The following SORCS2 variants were observed in gnomAD, a reference collection of about 807,000 sequenced individuals.
The protein encoded by SORCS2 is VPS10 domain-containing receptor SorCS2.
SORCS2 carries 100 observed loss-of-function variants against 141.6 expected under a neutral mutation model. That is an observed-to-expected ratio of 0.71 (90% CI 0.60 to 0.83). The LOEUF (loss-of-function observed/expected upper bound fraction) is 0.83, where lower values mean the gene tolerates loss of function less well. Ranked by LOEUF, SORCS2 falls within the 40% of genes least tolerant of loss-of-function variation. The pLI is 0.00. For synonymous variants in SORCS2, 789 were observed against 676.9 expected, an observed-to-expected ratio of 1.17 and a Z score of -2.57; for missense variants, 1,646 against 1,560.2, an observed-to-expected ratio of 1.05 and a Z score of -0.93.
At chr4:7,334,265 C>A (rs990749372) in intron 1 of SORCS2, among the ~76,000 whole-genome samples, 2 of 152,168 alleles carry the variant, frequency 1.3e-5, no homozygotes, top group Non-Finnish European at 1.5e-5. Context: ...CTCTCAGCCC[C>A]TTCCCGCAGC....
intron 2 of SORCS2, chr4:7,434,232 C>T (rs1275924452): frequency 6.2e-7 from 1 of 1,613,602 alleles, no homozygotes; most frequent in Non-Finnish European, 8.5e-7. Flanking sequence ...GGCCAGGCCC[C>T]AAGGACTCAC....
chr4:7,423,353 G>A (rs74541145), intron 2 of SORCS2, among the ~76,000 whole-genome samples: 4,015 of 152,282 alleles, frequency 0.026, 104 homozygotes, highest in East Asian at 0.11. Flanking sequence ...AGCATCCCTG[G>A]CTATGTGGTT....
intron 10 of SORCS2, among the ~76,000 whole-genome samples, chr4:7,688,888 C>A (rs933369063): frequency 3.3e-5 from 5 of 152,180 alleles, no homozygotes; most frequent in Non-Finnish European, 7.3e-5. Flanking sequence ...CAGAGACAAC[C>A]CCCTGGAGCT....
At chr4:7,327,311 G>A (rs1022581077) in intron 1 of SORCS2, among the ~76,000 whole-genome samples, 11 of 152,204 alleles carry the variant, frequency 7.2e-5, no homozygotes, top group Non-Finnish European at 1.3e-4. Context: ...GGCTCCTGGC[G>A]AGGCTCTGTG....
intron 1 of SORCS2, among the ~76,000 whole-genome samples, chr4:7,330,914 G>A (rs1296894446): frequency 6.6e-6 from 1 of 152,112 alleles, no homozygotes; most frequent in Non-Finnish European, 1.5e-5. Flanking sequence ...CCTCAGTGCT[G>A]GCACATCTGT....
At chr4:7,240,555 A>G (rs754102979) in intron 1 of SORCS2, among the ~76,000 whole-genome samples, 1 of 152,136 alleles carries the variant, frequency 6.6e-6, no homozygotes, top group African/African-American at 2.4e-5. Context: ...GAACTGCGCA[A>G]TGCTGGGAAA....
chr4:7,400,044 C>T (rs532793169), intron 2 of SORCS2, among the ~76,000 whole-genome samples: 2 of 152,302 alleles, frequency 1.3e-5, no homozygotes, highest in South Asian at 2.1e-4. Context: ...CTGGGGACCA[C>T]ACTTCAAGTA....
At chr4:7,656,062 T>C (rs1364924979) in intron 5 of SORCS2, among the ~76,000 whole-genome samples, 4 of 152,136 alleles carry the variant, frequency 2.6e-5, no homozygotes, top group Non-Finnish European at 5.9e-5. Context: ...GGTGGGGATA[T>C]CTCCCCTCCC....
intron 1 of SORCS2, among the ~76,000 whole-genome samples, chr4:7,328,010 G>C (rs1386515749): frequency 6.9e-6 from 1 of 144,542 alleles, no homozygotes; most frequent in Admixed American, 6.9e-5. Context: ...GCTGAGCCTC[G>C]TGCTAGGCTT....
intron 2 of SORCS2, among the ~76,000 whole-genome samples, chr4:7,418,359 A>G (rs10012366): frequency 0.57 from 86,278 of 152,074 alleles, 24,738 homozygotes; most frequent in Middle Eastern, 0.68. Flanking sequence ...CCCAGGGGTC[A>G]GGCTGGCTGG....
chr4:7,528,540 C>T (rs972445236), intron 2 of SORCS2, among the ~76,000 whole-genome samples: 5 of 152,268 alleles, frequency 3.3e-5, no homozygotes, highest in African/African-American at 1.2e-4. Context: ...ATTCTCGTGC[C>T]TCAGCCTCCT....
At chr4:7,297,773 C>T (rs1208504602) in intron 1 of SORCS2, among the ~76,000 whole-genome samples, 1 of 152,206 alleles carries the variant, frequency 6.6e-6, no homozygotes, top group African/African-American at 2.4e-5. Flanking sequence ...TGGCCTCAGG[C>T]AGCACTTTTG....
At chr4:7,558,967 T>C (rs1714333738) in intron 3 of SORCS2, among the ~76,000 whole-genome samples, 1 of 152,218 alleles carries the variant, frequency 6.6e-6, no homozygotes, top group Admixed American at 6.5e-5. Context: ...GTTTTTGCCC[T>C]GCCCGATGTC....
intron 1 of SORCS2, among the ~76,000 whole-genome samples, chr4:7,333,038 G>A (rs561418666): frequency 1.3e-5 from 2 of 152,344 alleles, no homozygotes; most frequent in Non-Finnish European, 2.9e-5. Flanking sequence ...CCTGGGGGCT[G>A]GTCTTTATTC....
chr4:7,704,357 G>A (rs1261452249), intron 14 of SORCS2, 73 bp downstream of exon 14: 2 of 1,325,358 alleles, frequency 1.5e-6, no homozygotes, highest in East Asian at 2.5e-5. Flanking sequence ...GGCCTACTGT[G>A]TCCTTCACCC....
intron 20 of SORCS2, among the ~76,000 whole-genome samples, 162 bp from the exon 21 acceptor site, chr4:7,726,618 C>T (rs991596931): frequency 6.6e-6 from 1 of 152,160 alleles, no homozygotes; most frequent in African/African-American, 2.4e-5. Flanking sequence ...CCGCCCCATG[C>T]CTCCCTGGGT....
chr4:7,524,123 T>C lies in SORCS2; in HGVS notation c.549-7407T>C, dbSNP rs1733513593. On this transcript the variant is annotated intron_variant, in intron 2 of 26. Transcript: ENST00000507866. ...GGTGAATAGAGTCGCCCCCAAAATC[T>C]CTGTCCACCAGGAACCTCAGGGGTG... Among the ~76,000 whole-genome samples, 3 of 152,316 alleles carry C rather than the reference T, an allele frequency of 2.0e-5. No individual in the cohort carries two copies. In the South Asian group the frequency reaches 6.2e-4, roughly 32 times the overall value.
intron 2 of SORCS2, among the ~76,000 whole-genome samples, chr4:7,425,776 G>A (rs1282801660): frequency 6.6e-6 from 1 of 152,198 alleles, no homozygotes; most frequent in African/African-American, 2.4e-5. Context: ...GACCAGCCTG[G>A]GGTCCCCACC....
At chr4:7,256,909 C>T (rs1713919708) in intron 1 of SORCS2, among the ~76,000 whole-genome samples, 1 of 152,058 alleles carries the variant, frequency 6.6e-6, no homozygotes, top group South Asian at 2.1e-4. Flanking sequence ...AGAGTGTGGG[C>T]ACCGGCCCCA....
Sources: allele counts gnomAD v4.1 joint callset (sites outside exome capture counted in the v4.1 genomes callset), GRCh38; gene constraint gnomAD v4.1.1; transcripts MANE v1.5; gene names NCBI Gene and HGNC (gene_info 2026-07-23, HGNC 2026-07-21).